The following COL4A2 variants were observed in gnomAD, a reference collection of about 807,000 sequenced individuals.
COL4A2 encodes the protein collagen alpha-2(IV) chain.
Under a neutral mutation model 200.2 loss-of-function variants are expected in COL4A2, and 99 were observed. The ratio of observed to expected loss-of-function variants is 0.49; its 90% CI spans 0.42 to 0.58. The LOEUF is 0.58. Among genes scored for constraint, COL4A2 ranks in the 20% least tolerant of loss-of-function variants. COL4A2 has a pLI of 0.00. For synonymous variants in COL4A2, 897 were observed against 900.6 expected (o/e 1.00, Z 0.07); for missense variants, 1,950 against 2,314.1 (o/e 0.84, Z 3.23).
At chr13:110,421,239 A>T (rs1276425736) in intron 4 of COL4A2, among the ~76,000 whole-genome samples, 1 of 152,206 alleles carries the variant, frequency 6.6e-6, no homozygotes, top group Non-Finnish European at 1.5e-5. Context: ...ACTATTTAGC[A>T]ATTCCACTCC....
intron 4 of COL4A2, among the ~76,000 whole-genome samples, chr13:110,375,806 G>C (rs532626857): frequency 6.6e-6 from 1 of 151,718 alleles, no homozygotes; most frequent in African/African-American, 2.4e-5. Flanking sequence ...CTCCAGCCTG[G>C]ATGACAGAGT....
intron 30 of COL4A2, among the ~76,000 whole-genome samples, chr13:110,479,052 T>G (rs1461417162): frequency 1.3e-5 from 2 of 152,152 alleles, no homozygotes; most frequent in Non-Finnish European, 2.9e-5. Context: ...TGGACTCAGG[T>G]AGGGCCCGCT....
chr13:110,405,285 T>C (rs1303873677), intron 4 of COL4A2, among the ~76,000 whole-genome samples: 1 of 151,978 alleles, frequency 6.6e-6, no homozygotes, highest in Non-Finnish European at 1.5e-5. Context: ...GGCTGGGAAA[T>C]GGACTAACAC....
In COL4A2 at chr13:110,462,168, A is replaced by G. The variant is rs766317300; in HGVS notation, c.1651A>G (p.Arg551Gly). The G allele has an allele frequency of 1.9e-6, 3 of 1,614,282 alleles. No individual in the cohort carries two copies. The highest frequency in any genetic ancestry group is 2.2e-5 in the East Asian group (1 of 44,888). The stretch of plus-strand genomic sequence containing the variant: ...ACCCAAAGGAGCAAAAGGAGATTCC[A>G]GAACAATCACAACCAAAGGTGAGTT... ...PGPKGAKGDSRTITTKGERGQ... is the reference protein window; with the variant it reads ...PGPKGAKGDSGTITTKGERGQ... The change falls in exon 23 of 48, where the codon AGA (arginine) becomes GGA (glycine). Residue 551 changes from arginine to glycine, a missense_variant. Physicochemically the swap from Arg to Gly is moderately radical, Grantham distance 125. Coordinates refer to ENST00000360467, the MANE Select transcript of COL4A2 (RefSeq NM_001846.4).
intron 10 of COL4A2, among the ~76,000 whole-genome samples, chr13:110,431,795 C>T (rs925490705): frequency 6.6e-6 from 1 of 152,208 alleles, no homozygotes; most frequent in African/African-American, 2.4e-5. Context: ...AAACACTCTT[C>T]CCCTGCATCT....
chr13:110,435,437 A>G (rs1880834974), intron 12 of COL4A2, among the ~76,000 whole-genome samples: 1 of 152,244 alleles, frequency 6.6e-6, no homozygotes, highest in Non-Finnish European at 1.5e-5. Context: ...AATAAAAAAC[A>G]TCAGGGGCCC....
At chr13:110,363,549 T>G (rs755909718) in intron 4 of COL4A2, among the ~76,000 whole-genome samples, 10 of 152,144 alleles carry the variant, frequency 6.6e-5, no homozygotes, top group Non-Finnish European at 1.3e-4. Context: ...AAGAAAATTC[T>G]TTGTCTTTGG....
At chr13:110,357,370 GT>G in intron 3 of COL4A2, 101 bp from the exon 4 acceptor site, 1 of 1,465,392 alleles carries the variant, frequency 6.8e-7, no homozygotes, top group Non-Finnish European at 9.2e-7. Context: ...TGAATGAATC[GT>G]TTCTAGAGTT....
At chr13:110,483,705 A>G (rs759098762) in intron 32 of COL4A2, among the ~76,000 whole-genome samples, 2 of 132,182 alleles carry the variant, frequency 1.5e-5, no homozygotes, top group Non-Finnish European at 3.0e-5. Context: ...CCTACACTTG[A>G]TCTTAGCCAA....
chr13:110,400,991 A>G (rs1879353915), intron 4 of COL4A2, among the ~76,000 whole-genome samples: 1 of 152,180 alleles, frequency 6.6e-6, no homozygotes, highest in Non-Finnish European at 1.5e-5. Context: ...GACTTCCGGA[A>G]TTTTCCTAAG....
At chr13:110,467,659 C>T (rs891454836) in intron 27 of COL4A2, among the ~76,000 whole-genome samples, 7 of 152,312 alleles carry the variant, frequency 4.6e-5, no homozygotes, top group East Asian at 1.9e-4. Context: ...CCAGTGTTGG[C>T]GGTGCAGGCC....
intron 3 of COL4A2, among the ~76,000 whole-genome samples, chr13:110,320,089 G>C (rs1221941806): frequency 1.3e-5 from 2 of 152,264 alleles, no homozygotes; most frequent in Non-Finnish European, 2.9e-5. Context: ...GTTTTCAGCT[G>C]TCTGCCTTGG....
intron 4 of COL4A2, among the ~76,000 whole-genome samples, chr13:110,399,487 C>G (rs749243296): frequency 1.1e-4 from 16 of 152,138 alleles, no homozygotes; most frequent in Non-Finnish European, 2.2e-4. Context: ...TTTGGTTGGC[C>G]CCAGACCTAA....
chr13:110,388,829 T>G (rs951056399), intron 4 of COL4A2, among the ~76,000 whole-genome samples: 9 of 152,218 alleles, frequency 5.9e-5, no homozygotes, highest in Non-Finnish European at 1.3e-4. Flanking sequence ...GACCTCCCCC[T>G]GCCTCCCAGG....
At position 110,469,301 on chromosome 13, in the gene COL4A2, G is replaced by T. The variant is rs774443437; in HGVS notation, c.2180G>T (p.Arg727Leu). 2 of 1,593,378 alleles carry T rather than the reference G, an allele frequency of 1.3e-6. No homozygotes were observed. Among genetic ancestry groups the T allele is most frequent in the Non-Finnish European group, 1.7e-6 (2 of 1,170,066 alleles). Reference protein sequence around the residue: ...GPRGLPGDAGREGFPGPPGFI... With the variant: ...GPRGLPGDAGLEGFPGPPGFI... ...AGGGGCTTGCCAGGAGACGCAGGTC[G>T]TGAAGGGTTCCCAGGACCCCCAGGT... The change falls in exon 28 of 48, where the codon CGT (arginine) becomes CTT (leucine). Residue 727 changes from arginine to leucine, a missense_variant. By Grantham distance (102) the Arg-to-Leu change is moderately radical. Around this residue, in one of 2 missense-constraint regions of COL4A2, gnomAD observed 1,385 missense variants for 1,720.5 expected, o/e 0.80. Coordinates refer to ENST00000360467, the MANE Select transcript of COL4A2 (RefSeq NM_001846.4).
At chr13:110,480,453 C>T in intron 31 of COL4A2, 63 bp downstream of exon 31, 2 of 1,509,268 alleles carry the variant, frequency 1.3e-6, no homozygotes, top group Non-Finnish European at 1.8e-6. Context: ...CAACTCTGAC[C>T]TGAGACAGCT....
In COL4A2 at chr13:110,433,160, G is replaced by A. The variant is rs60032554; in HGVS notation, c.684+800G>A. Among the ~76,000 whole-genome samples the A allele has an allele frequency of 4.4e-3, 663 of 152,310 alleles. 8 individuals are homozygous for A. The highest frequency in any genetic ancestry group is 0.021 in the South Asian group (100 of 4,828). ...ACCCCTGGTGACTACAGCTGCCACC[G>A]CCCATGCCCCCAGGCTCCTGTCCCC... On this transcript the variant is annotated intron_variant, in intron 11 of 47. Coordinates refer to ENST00000360467, the MANE Select transcript of COL4A2 (RefSeq NM_001846.4).
chr13:110,355,990 G>T (rs578054434), intron 3 of COL4A2, among the ~76,000 whole-genome samples: 2 of 152,104 alleles, frequency 1.3e-5, no homozygotes, highest in Non-Finnish European at 2.9e-5. Context: ...GCTGAGACTC[G>T]GCTGATCAGA....
At chr13:110,397,247 C>T (rs1376224895) in intron 4 of COL4A2, among the ~76,000 whole-genome samples, 1 of 152,198 alleles carries the variant, frequency 6.6e-6, no homozygotes, top group Non-Finnish European at 1.5e-5. Flanking sequence ...TCTTGGACTT[C>T]TGCACGGAGG....
Sources: allele counts gnomAD v4.1 joint callset (sites outside exome capture counted in the v4.1 genomes callset), GRCh38; gene constraint gnomAD v4.1.1; regional missense constraint gnomAD v4.1.1; transcripts MANE v1.5; gene names NCBI Gene and HGNC (gene_info 2026-07-23, HGNC 2026-07-21).